STRN: variants seen among roughly 807,000 people sequenced by gnomAD.
STRN encodes the protein protein phosphatase 2 regulatory subunit B'''alpha.
STRN carries 53 observed loss-of-function variants against 96.3 expected under a neutral mutation model. The observed-to-expected ratio is 0.55, with a 90% CI of 0.44 to 0.69. STRN has a LOEUF of 0.69. Ranked by LOEUF, STRN falls within the 30% of genes least tolerant of loss-of-function variation. The pLI, the probability that STRN is intolerant of heterozygous loss-of-function variation, is 0.00. For synonymous variants in STRN, 428 were observed against 355.9 expected (o/e 1.20, Z -2.28); for missense variants, 987 against 963.9 (o/e 1.02, Z -0.32).
rs540025591 is a variant in STRN, at chr2:36,866,007, A to G, written c.1547+1807T>C. On this transcript the variant is annotated intron_variant, in intron 12 of 17. Transcript: ENST00000263918. ...GCCTTAATTTCATTATTTACCAATA[A>G]ATCATTCAGGAGCTGGTTAATTTCC... Among the ~76,000 whole-genome samples, 23 of 152,290 alleles carry G rather than the reference A, an allele frequency of 1.5e-4. 1 individual carries two copies. In the South Asian group the frequency reaches 4.8e-3, roughly 32 times the overall value.
At chr2:36,874,125 G>A (rs937621244) in intron 10 of STRN, among the ~76,000 whole-genome samples, 9 of 151,644 alleles carry the variant, frequency 5.9e-5, no homozygotes, top group South Asian at 4.2e-4. Context: ...TTAGCTGGGC[G>A]TGGTGGCGGG....
chr2:36,901,023 G>C (rs1223882178), intron 5 of STRN, among the ~76,000 whole-genome samples: 1 of 149,820 alleles, frequency 6.7e-6, no homozygotes, highest in Non-Finnish European at 1.5e-5. Context: ...AAAAATTGTA[G>C]AAACTACTAT....
chr2:36,901,523 G>C (rs1158537452), intron 5 of STRN, among the ~76,000 whole-genome samples: 1 of 142,154 alleles, frequency 7.0e-6, no homozygotes, highest in African/African-American at 2.6e-5. Context: ...CTGCACTCCA[G>C]CCTGGGTGAC....
At chr2:36,901,660 A>G (rs1405184271) in intron 5 of STRN, among the ~76,000 whole-genome samples, 12 of 152,142 alleles carry the variant, frequency 7.9e-5, no homozygotes, top group Admixed American at 7.9e-4. Context: ...GTCTATATCT[A>G]TAGAGAAATA....
At chr2:36,934,785 T>C (rs770965759) in intron 1 of STRN, among the ~76,000 whole-genome samples, 9 of 152,062 alleles carry the variant, frequency 5.9e-5, no homozygotes, top group Non-Finnish European at 1.3e-4. Context: ...CCAATCAAAG[T>C]AGTCAATTAG....
intron 2 of STRN, among the ~76,000 whole-genome samples, chr2:36,919,812 G>T (rs1177408742): frequency 6.6e-6 from 1 of 152,184 alleles, no homozygotes; most frequent in Admixed American, 6.6e-5. Flanking sequence ...TTTCAGAATT[G>T]TATTTATATA....
chr2:36,915,041 C>G (rs971142069), intron 3 of STRN, among the ~76,000 whole-genome samples: 1 of 150,676 alleles, frequency 6.6e-6, no homozygotes, highest in East Asian at 2.0e-4. Context: ...ATTAAAAATA[C>G]AAAAAATTAG....
rs569321792 is a variant in STRN, at chr2:36,854,674, T to C, written c.1978+538A>G. 3.1e-3 allele frequency among the ~76,000 whole-genome samples: 468 copies of C among 152,296 alleles called. 3 individuals are homozygous for C. The highest frequency in any genetic ancestry group is 5.3e-3 in the Non-Finnish European group (359 of 68,002). ...ACCTAAACTGTGATTGTCTAGATTA[T>C]GGCTAACGACAGAAAGCAATGGTTA... On this transcript the variant is annotated intron_variant, in intron 15 of 17. Transcript: ENST00000263918.
In STRN at chr2:36,867,813, C is replaced by T; in HGVS notation, c.1547+1G>A. 2 of 1,566,322 alleles carry T rather than the reference C, an allele frequency of 1.3e-6. No homozygotes were observed. The highest frequency in any genetic ancestry group is 1.7e-6 in the Non-Finnish European group (2 of 1,156,588). The stretch of plus-strand genomic sequence containing the variant: ...AAAATAAAGAAAAAACATATACTTA[C>T]TTATGGGCTCTGAATGTATAGATAG... On this transcript the variant is annotated splice_donor_variant, in intron 12 of 17. Transcript: ENST00000263918. LOFTEE classifies it high-confidence loss of function.
intron 1 of STRN, among the ~76,000 whole-genome samples, chr2:36,943,158 C>T (rs749507486): frequency 6.6e-6 from 1 of 151,876 alleles, no homozygotes; most frequent in Non-Finnish European, 1.5e-5. Context: ...TTTTTAAATT[C>T]TTGTTAGTAA....
intron 7 of STRN, among the ~76,000 whole-genome samples, chr2:36,891,444 G>A (rs557664546): frequency 5.8e-4 from 88 of 152,212 alleles, no homozygotes; most frequent in Middle Eastern, 6.8e-3. Context: ...GGAACTGCTT[G>A]AATCCAGAAG....
intron 1 of STRN, among the ~76,000 whole-genome samples, chr2:36,958,579 T>A (rs10185737): frequency 0.079 from 12,035 of 152,202 alleles, 727 homozygotes; most frequent in African/African-American, 0.17. Context: ...GTGGAAGATA[T>A]GTCATTCACA....
At chr2:36,882,047 A>G (rs1035487637) in intron 9 of STRN, among the ~76,000 whole-genome samples, 2 of 152,204 alleles carry the variant, frequency 1.3e-5, no homozygotes, top group African/African-American at 4.8e-5. Flanking sequence ...ATGGGTAATA[A>G]ATTCCAAGTG....
At chr2:36,856,053 G>A (rs1229795392) in intron 14 of STRN, among the ~76,000 whole-genome samples, 1 of 151,938 alleles carries the variant, frequency 6.6e-6, no homozygotes, top group Non-Finnish European at 1.5e-5. Context: ...TAACCAATAA[G>A]CAAACAAAAG....
chr2:36,855,124 C>A (rs1231025146), intron 15 of STRN, 88 bp downstream of exon 15: 3 of 1,369,548 alleles, frequency 2.2e-6, no homozygotes, highest in African/African-American at 2.9e-5. Context: ...TTTATAATGA[C>A]AAATATTTTT....
intron 6 of STRN, among the ~76,000 whole-genome samples, chr2:36,897,428 C>T (rs1228606606): frequency 7.9e-6 from 1 of 126,014 alleles, no homozygotes; most frequent in South Asian, 2.6e-4. Flanking sequence ...CCAAAAAAAA[C>T]TAAAAAATAT....
intron 3 of STRN, among the ~76,000 whole-genome samples, chr2:36,907,870 C>T (rs553522222): frequency 7.2e-5 from 11 of 151,908 alleles, no homozygotes; most frequent in Admixed American, 2.6e-4. Context: ...AATAACTAGG[C>T]TTAGTTCTGT....
At chr2:36,957,153 T>G (rs186796569) in intron 1 of STRN, among the ~76,000 whole-genome samples, 20 of 152,274 alleles carry the variant, frequency 1.3e-4, no homozygotes, top group Admixed American at 3.3e-4. Context: ...ATAGGTGATA[T>G]ACCTCACATT....
intron 5 of STRN, among the ~76,000 whole-genome samples, chr2:36,902,362 A>G (rs1019441850): frequency 6.6e-5 from 10 of 152,154 alleles, no homozygotes; most frequent in African/African-American, 2.2e-4. Context: ...AATCTATTAA[A>G]TATCTGTATT....
Sources: allele counts gnomAD v4.1 joint callset (sites outside exome capture counted in the v4.1 genomes callset), GRCh38; gene constraint gnomAD v4.1.1; transcripts MANE v1.5; gene names NCBI Gene and HGNC (gene_info 2026-07-23, HGNC 2026-07-21).